The following ARHGAP40 variants were observed in gnomAD, a reference collection of about 807,000 sequenced individuals.
The protein encoded by ARHGAP40 is rho GTPase-activating protein 40.
ARHGAP40 carries 43 observed loss-of-function variants against 73.5 expected under a neutral mutation model. The ratio of observed to expected loss-of-function variants is 0.58; its 90% CI spans 0.46 to 0.75. The LOEUF (loss-of-function observed/expected upper bound fraction) is 0.75. Among genes scored for constraint, ARHGAP40 ranks in the 30% least tolerant of loss-of-function variants. The probability of loss-of-function intolerance (pLI) is 0.00; values close to 1 mark genes in which losing one functional copy is unlikely to be tolerated. For missense variants in ARHGAP40, 734 were observed against 861.8 expected (o/e 0.85, Z 1.86); for synonymous variants, 300 against 352.8 (o/e 0.85, Z 1.68).
chr20:38,623,809 G>C (rs1200664618), intron 2 of ARHGAP40, among the ~76,000 whole-genome samples: 1 of 152,166 alleles, frequency 6.6e-6, no homozygotes, highest in Non-Finnish European at 1.5e-5. Context: ...AGTCCTTCAG[G>C]AAATATTTTT....
intron 14 of ARHGAP40, among the ~76,000 whole-genome samples, chr20:38,649,528 C>T (rs1000800321): frequency 4.0e-5 from 6 of 151,822 alleles, no homozygotes; most frequent in Non-Finnish European, 7.4e-5. Context: ...CATCTGTGTC[C>T]GTCAGTCATC....
exon 9 of ARHGAP40, chr20:38,639,323 A>G: frequency 3.8e-6 from 5 of 1,305,526 alleles, no homozygotes; most frequent in African/African-American, 1.5e-5. Context: ...CAAAAGGTTC[A>G]TCCGGAAGCT....
intron 1 of ARHGAP40, among the ~76,000 whole-genome samples, chr20:38,602,575 T>C (rs1232478011): frequency 6.6e-6 from 1 of 152,208 alleles, no homozygotes; most frequent in African/African-American, 2.4e-5. Context: ...TCCCCCACTC[T>C]GATTACATCA....
chr20:38,630,072 C>CTTTCTTTCTT (rs1290962898), intron 5 of ARHGAP40, among the ~76,000 whole-genome samples: 1 of 78,830 alleles, frequency 1.3e-5, no homozygotes, highest in Non-Finnish European at 3.3e-5. Context: ...TTCTTTCTTT[C>CTTTCTTTCTT]TTTCTTTCTT....
chr20:38,619,152 AGAGG>A (rs2088860342), intron 1 of ARHGAP40, among the ~76,000 whole-genome samples: 1 of 152,210 alleles, frequency 6.6e-6, no homozygotes, highest in African/African-American at 2.4e-5. Flanking sequence ...CATTCCAGGC[AGAGG>A]GAAGAAGGAG....
intron 1 of ARHGAP40, chr20:38,615,624 T>G (rs977924570): frequency 1.1e-5 from 5 of 449,526 alleles, no homozygotes; most frequent in Non-Finnish European, 1.2e-5. Context: ...GATTCCTGAC[T>G]CAGAACCGGA....
At chr20:38,627,527 G>GTGTGTGTTGGTGTCTGTGTGTT (rs1464232058) in intron 3 of ARHGAP40, among the ~76,000 whole-genome samples, 6 of 136,778 alleles carry the variant, frequency 4.4e-5, no homozygotes, top group South Asian at 2.4e-4. Flanking sequence ...ATGTGTGTTG[G>GTGTGTGTTGGTGTCTGTGTGTT]GGTATGTGTG....
chr20:38,602,054 C>G, exon 1 of ARHGAP40: 1 of 1,286,516 alleles, frequency 7.8e-7, no homozygotes, highest in Non-Finnish European at 1.0e-6. Flanking sequence ...GCGCTGCGCC[C>G]AGCGCTGGGC....
chr20:38,642,510 T>C (rs2089025547), intron 10 of ARHGAP40, among the ~76,000 whole-genome samples: 1 of 152,182 alleles, frequency 6.6e-6, no homozygotes, highest in African/African-American at 2.4e-5. Flanking sequence ...AAAAGCTAAC[T>C]CATGAGGAAT....
rs763564345 is a variant in ARHGAP40 at position 38,646,425 on chromosome 20, C to G, written c.1710+238C>G. 7.2e-5 allele frequency among the ~76,000 whole-genome samples: 11 copies of G among 152,188 alleles called. No individual in the cohort carries two copies. The highest frequency in any genetic ancestry group is 1.6e-4 in the Non-Finnish European group (11 of 68,028). On this transcript the variant is annotated intron_variant, in intron 12 of 14. Transcript: ENST00000373345. The surrounding 1 kb of genome is among the most constrained non-coding windows in gnomAD (Gnocchi z 4.5). ...GTGACTCGGAGACTTCCCCTAGAAA[C>G]CGTCACCGCCGCCCCATTTTTCGGC...
chr20:38,619,498 C>T (rs755307226), intron 1 of ARHGAP40, among the ~76,000 whole-genome samples: 2 of 151,464 alleles, frequency 1.3e-5, no homozygotes, highest in African/African-American at 2.4e-5. Flanking sequence ...TGAGGAGTGG[C>T]TCTCAGAGTG....
At chr20:38,650,640 C>A in exon 15 of ARHGAP40, 1 of 471,198 alleles carries the variant, frequency 2.1e-6, no homozygotes, top group Non-Finnish European at 4.4e-6. Context: ...AAAGGCACAA[C>A]AAGTTCAATG....
chr20:38,639,856 C>T (rs2089003448), intron 9 of ARHGAP40, among the ~76,000 whole-genome samples: 1 of 152,226 alleles, frequency 6.6e-6, no homozygotes, highest in Non-Finnish European at 1.5e-5. Flanking sequence ...GTCTGGACTT[C>T]TTCACAATCC....
intron 5 of ARHGAP40, among the ~76,000 whole-genome samples, chr20:38,634,080 C>T (rs1190100232): frequency 2.0e-5 from 3 of 152,048 alleles, no homozygotes; most frequent in South Asian, 2.1e-4. Context: ...AGGTCGTTGC[C>T]GTGGCTCATG....
In ARHGAP40 at chr20:38,627,386, TG is replaced by T. The variant is rs1357019442; in HGVS notation, c.558+175del. 8.2e-3 allele frequency among the ~76,000 whole-genome samples: 1,006 copies of T among 122,724 alleles called. 11 individuals are homozygous for T. Among genetic ancestry groups the T allele is most frequent in the African/African-American group, 0.031 (956 of 31,258 alleles). The allele number at this position is 122,724 out of a possible 152,430, so 80.5% of individuals were successfully genotyped here. ...GGTGTCTGTGTGTTGGTGTGTGTGTTGGGGTGTGTGTGTGTTGGGGTATGTG... is the reference window on the plus strand; with the variant it reads ...GGTGTCTGTGTGTTGGTGTGTGTGTTGGGTGTGTGTGTGTTGGGGTATGTG... On this transcript the variant is annotated intron_variant, in intron 3 of 14. Coordinates refer to ENST00000373345, the Ensembl canonical transcript of ARHGAP40.
Position 38,646,101 on chromosome 20 carries a change from C to T in ARHGAP40, c.1624C>T (p.Arg542Cys). ...AAAACTGAACGACAGTAGCAGCAGG[C>T]GCCCCCAGCTCTGCGACGCAGGCCT... The change falls in exon 12 of 15, where the codon CGC becomes TGC. Residue 542 changes from arginine (R) to cysteine (C), a missense_variant. By Grantham distance (180) the Arg-to-Cys change is radical. Transcript: ENST00000373345. This position sits in a 1 kb window ranked among gnomAD's most constrained non-coding sequence, Gnocchi z 4.5. 1 of 1,304,200 alleles carries T rather than the reference C, an allele frequency of 7.7e-7. No homozygotes were observed. Among genetic ancestry groups the T allele is most frequent in the Non-Finnish European group, 1.0e-6 (1 of 988,884 alleles). The allele number at this position is 1,304,200 out of a possible 1,614,324, so 80.8% of individuals were successfully genotyped here. A position where few individuals can be genotyped will look rare whatever the true frequency, so the allele number is the denominator to read the frequency against.
exon 15 of ARHGAP40, chr20:38,649,953 A>G: frequency 2.3e-6 from 2 of 859,812 alleles, no homozygotes; most frequent in Non-Finnish European, 3.3e-6. Flanking sequence ...GGAGGGTCTG[A>G]GTTTTATTCC....
At chr20:38,649,994 C>A in exon 15 of ARHGAP40, 1 of 509,236 alleles carries the variant, frequency 2.0e-6, no homozygotes, top group Non-Finnish European at 3.4e-6. Context: ...GCCTCTCAGA[C>A]CCCTCAGAAA....
rs754917657 is a variant in ARHGAP40 at position 38,637,280 on chromosome 20, G to C, written c.950-428G>C. Among the ~76,000 whole-genome samples the C allele has an allele frequency of 2.0e-5, 3 of 152,154 alleles. No individual in the cohort carries two copies. In the South Asian group the frequency reaches 6.2e-4, roughly 32 times the overall value. On this transcript the variant is annotated intron_variant, in intron 6 of 14. Transcript: ENST00000373345. ...CCTGCCTCAGCCTCCCGAGTAGCTGGGGTTACAGACACCCGCTACCACACT... is the reference window on the plus strand; with the variant it reads ...CCTGCCTCAGCCTCCCGAGTAGCTGCGGTTACAGACACCCGCTACCACACT...
Sources: gnomAD v4.1 joint callset for allele counts (sites outside exome capture counted in the v4.1 genomes callset) on GRCh38, gnomAD v4.1.1 for gene constraint, Gnocchi (gnomAD v3.1) non-coding constraint, MANE v1.5 for transcripts, NCBI Gene and HGNC (gene_info 2026-07-23, HGNC 2026-07-21) for gene names.